The following PLXNA4 variants were observed in gnomAD, a reference collection of about 807,000 sequenced individuals.
PLXNA4 encodes plexin A4, also known as plexin-A4.
Under a neutral mutation model 191.8 loss-of-function variants are expected in PLXNA4, and 44 were observed. The observed-to-expected ratio is 0.23, with a 90% CI of 0.18 to 0.29. PLXNA4 has a LOEUF of 0.29. Ranked by LOEUF, PLXNA4 falls within the 10% of genes least tolerant of loss-of-function variation. The pLI is 1.00. For missense variants in PLXNA4, 1,800 were observed against 2,488.8 expected (o/e 0.72, Z 5.89); for synonymous variants, 1,082 against 1,009.5 (o/e 1.07, Z -1.36).
intron 1 of PLXNA4, among the ~76,000 whole-genome samples, chr7:132,546,062 G>C (rs1268651372): frequency 2.0e-5 from 3 of 152,224 alleles, no homozygotes; most frequent in African/African-American, 7.2e-5. Context: ...ATGCTCAGAA[G>C]GGTGCATTTG....
intron 3 of PLXNA4, among the ~76,000 whole-genome samples, chr7:132,340,039 T>C (rs1429030616): frequency 6.6e-6 from 1 of 152,104 alleles, no homozygotes; most frequent in Non-Finnish European, 1.5e-5. Context: ...GGGAAATGGG[T>C]ATATTGTAGA....
chr7:132,541,321 A>T (rs1800073112), intron 1 of PLXNA4, among the ~76,000 whole-genome samples: 1 of 152,214 alleles, frequency 6.6e-6, no homozygotes, highest in Admixed American at 6.5e-5. Context: ...CCCACAAACC[A>T]TTAAGCTGTC....
rs2116460817 is a variant in PLXNA4, at chr7:132,124,302, G to A, written c.*6177C>T. ...AGCTAACTAGAACGTCGGGGAGGGAGAGGAAAGGAGGACAGACAGATGAGC... is the reference window on the plus strand; with the variant it reads ...AGCTAACTAGAACGTCGGGGAGGGAAAGGAAAGGAGGACAGACAGATGAGC... On this transcript the variant is annotated 3_prime_UTR_variant, in exon 32 of 32. Coordinates refer to ENST00000321063, the MANE Select transcript of PLXNA4 (RefSeq NM_020911.2). The A allele has an allele frequency of 6.6e-6, 1 of 152,314 alleles. No homozygotes were observed. The highest frequency in any genetic ancestry group is 1.5e-5 in the Non-Finnish European group (1 of 68,036). The allele number at this position is 152,314 out of a possible 1,614,324, so 9.4% of individuals were successfully genotyped here.
intron 3 of PLXNA4, among the ~76,000 whole-genome samples, chr7:132,412,411 A>C (rs759799474): frequency 2.6e-5 from 4 of 152,192 alleles, no homozygotes; most frequent in Non-Finnish European, 5.9e-5. Flanking sequence ...ATCACCTTGC[A>C]GACAGCGACC....
chr7:132,531,422 A>G lies in PLXNA4; in HGVS notation c.-86-22643T>C, dbSNP rs531121500. On this transcript the variant is annotated intron_variant, in intron 1 of 31. Coordinates refer to ENST00000321063, the MANE Select transcript of PLXNA4 (RefSeq NM_020911.2). ...CCTATTCTATTTCTCTTAATAGTCT[A>G]TAAGGTAGATATTATTATGATCTTT... is the stretch of plus-strand genomic sequence containing the variant. 4.2e-4 allele frequency among the ~76,000 whole-genome samples: 64 copies of G among 152,366 alleles called. 1 individual carries two copies. The highest frequency in any genetic ancestry group is 6.8e-3 in the Middle Eastern group (2 of 294).
In PLXNA4 at chr7:132,168,294, G is replaced by A. The variant is rs751986751; in HGVS notation, c.4286+10C>T. The A allele has an allele frequency of 1.5e-5, 23 of 1,527,876 alleles. No individual in the cohort carries two copies. In the Admixed American group the frequency reaches 4.1e-4, roughly 27 times the overall value. The allele number at this position is 1,527,876 out of a possible 1,614,324, so 94.6% of individuals were successfully genotyped here. On this transcript the variant is annotated intron_variant, in intron 22 of 31. Transcript: ENST00000321063. ...AGGCTGGAGCAGGGTGCCCCAGACTGCACCCTCACCTCCTGAGCAGCAGCT... is the reference window on the plus strand; with the variant it reads ...AGGCTGGAGCAGGGTGCCCCAGACTACACCCTCACCTCCTGAGCAGCAGCT...
chr7:132,214,428 C>T (rs1797900716), intron 9 of PLXNA4, among the ~76,000 whole-genome samples: 1 of 152,110 alleles, frequency 6.6e-6, no homozygotes, highest in African/African-American at 2.4e-5. Context: ...CAGGGCTGGG[C>T]TGGGCACATT....
At chr7:132,198,459 C>T in intron 13 of PLXNA4, 26 bp downstream of exon 13, 1 of 1,610,776 alleles carries the variant, frequency 6.2e-7, no homozygotes, top group Non-Finnish European at 8.5e-7. Context: ...CCCTGTTCCT[C>T]CTGTGTTGCA....
intron 3 of PLXNA4, among the ~76,000 whole-genome samples, chr7:132,474,423 G>C (rs1026541843): frequency 6.6e-6 from 1 of 152,172 alleles, no homozygotes; most frequent in Non-Finnish European, 1.5e-5. Context: ...GCAGGAGGTA[G>C]TAGGAGTGAA....
At chr7:132,620,385 T>C (rs1309341384) in intron 2 of PLXNA4, among the ~76,000 whole-genome samples, 2 of 152,246 alleles carry the variant, frequency 1.3e-5, no homozygotes, top group East Asian at 3.8e-4. Context: ...TATTTATATT[T>C]GCAAAGTCCA....
chr7:132,490,173 G>A (rs1797733597), intron 2 of PLXNA4, among the ~76,000 whole-genome samples: 1 of 152,140 alleles, frequency 6.6e-6, no homozygotes, highest in Admixed American at 6.5e-5. Context: ...GCATTGTGAA[G>A]AAGGGCAGCC....
chr7:132,375,289 C>G (rs950397819), intron 3 of PLXNA4, among the ~76,000 whole-genome samples: 24 of 152,232 alleles, frequency 1.6e-4, no homozygotes, highest in South Asian at 1.2e-3. Flanking sequence ...CCCGCCCCCC[C>G]CCACGCCCCA....
intron 4 of PLXNA4, among the ~76,000 whole-genome samples, chr7:132,263,114 C>T (rs1455487724): frequency 6.6e-6 from 1 of 152,126 alleles, no homozygotes; most frequent in South Asian, 2.1e-4. Flanking sequence ...AAGCACAAGT[C>T]CATATGAGAG....
At chr7:132,607,548 C>CT (rs1179116282) in intron 2 of PLXNA4, among the ~76,000 whole-genome samples, 1 of 152,192 alleles carries the variant, frequency 6.6e-6, no homozygotes, top group Non-Finnish European at 1.5e-5. Context: ...TTTTATCTAC[C>CT]TTTGACAGAA....
intron 4 of PLXNA4, among the ~76,000 whole-genome samples, chr7:132,291,434 T>C (rs1050548784): frequency 1.3e-5 from 2 of 152,220 alleles, no homozygotes; most frequent in African/African-American, 2.4e-5. Flanking sequence ...CTGCCCAGAA[T>C]GTAAGGCCTA....
At chr7:132,611,920 T>A (rs957139806) in intron 2 of PLXNA4, among the ~76,000 whole-genome samples, 2 of 152,030 alleles carry the variant, frequency 1.3e-5, no homozygotes, top group Admixed American at 1.3e-4. Context: ...AGGGGCTCCA[T>A]GAAATCACTG....
intron 1 of PLXNA4, among the ~76,000 whole-genome samples, chr7:132,559,214 A>G (rs1800925652): frequency 6.6e-6 from 1 of 152,220 alleles, no homozygotes; most frequent in African/African-American, 2.4e-5. Context: ...GATAAAATGT[A>G]CAAGGGCTGG....
chr7:132,401,227 A>G (rs1439429608), intron 3 of PLXNA4, among the ~76,000 whole-genome samples: 1 of 152,250 alleles, frequency 6.6e-6, no homozygotes, highest in East Asian at 1.9e-4. Flanking sequence ...AAATGATGCC[A>G]CGTGGAGGGG....
intron 1 of PLXNA4, among the ~76,000 whole-genome samples, chr7:132,550,397 A>G (rs1019253385): frequency 4.6e-5 from 7 of 152,200 alleles, no homozygotes; most frequent in African/African-American, 1.7e-4. Flanking sequence ...AGTTGTATTC[A>G]GACATACAGC....
Sources: gnomAD v4.1 joint callset for allele counts (sites outside exome capture counted in the v4.1 genomes callset) on GRCh38, gnomAD v4.1.1 for gene constraint, MANE v1.5 for transcripts, NCBI Gene and HGNC (gene_info 2026-07-23, HGNC 2026-07-21) for gene names.